MACROD2: variants seen among roughly 807,000 people sequenced by gnomAD.
MACROD2 encodes ADP-ribose glycohydrolase MACROD2.
Under a neutral mutation model 70.4 loss-of-function variants are expected in MACROD2, and 36 were observed. That is an observed-to-expected ratio of 0.51 (90% CI 0.39 to 0.68). The LOEUF is 0.68. Ranked by LOEUF, MACROD2 falls within the 30% of genes least tolerant of loss-of-function variation. The pLI, the probability that MACROD2 is intolerant of heterozygous loss-of-function variation, is 0.00. For missense variants in MACROD2, 496 were observed against 538.4 expected (o/e 0.92, Z 0.78); for synonymous variants, 172 against 178.8 (o/e 0.96, Z 0.30).
intron 12 of MACROD2, among the ~76,000 whole-genome samples, chr20:15,966,636 AGAGGCCAGAACAGGAGGATCGCTT>A (rs1243147305): frequency 6.6e-6 from 1 of 152,182 alleles, no homozygotes; most frequent in African/African-American, 2.4e-5. Context: ...TAGCTACTAC[AGAGGCCAGAACAGGAGGATCGCTT>A]GAGCCCAGGA....
At chr20:14,352,369 T>C in intron 3 of MACROD2, 1 of 152,116 alleles carries the variant, frequency 6.6e-6, no homozygotes, top group East Asian at 1.9e-4. Context: ...ATAGAGAAGA[T>C]TAGAATGGCC....
At chr20:15,065,987 TTAGGTTTGCTCCACA>T (rs1355571457) in intron 5 of MACROD2, among the ~76,000 whole-genome samples, 2 of 152,260 alleles carry the variant, frequency 1.3e-5, no homozygotes, top group East Asian at 3.9e-4. Flanking sequence ...GGGGTTGAGT[TTAGGTTTGCTCCACA>T]TTCTGGGGCC....
At chr20:14,184,244 A>G (rs879771426) in intron 3 of MACROD2, among the ~76,000 whole-genome samples, 6 of 152,176 alleles carry the variant, frequency 3.9e-5, no homozygotes, top group Non-Finnish European at 7.3e-5. Context: ...AATCTTCTGC[A>G]TATGGCTAGC....
intron 4 of MACROD2, among the ~76,000 whole-genome samples, chr20:14,643,671 T>C (rs1477400756): frequency 6.6e-6 from 1 of 152,176 alleles, no homozygotes. Context: ...AGTGTGTTAA[T>C]AGGTTATACC....
intron 8 of MACROD2, among the ~76,000 whole-genome samples, chr20:15,575,660 A>T (rs2048437479): frequency 6.6e-6 from 1 of 152,198 alleles, no homozygotes; most frequent in South Asian, 2.1e-4. Flanking sequence ...GATAGGGTAG[A>T]CTTTGAAATG....
At chr20:15,421,481 A>G (rs1043465924) in intron 6 of MACROD2, among the ~76,000 whole-genome samples, 3 of 152,212 alleles carry the variant, frequency 2.0e-5, no homozygotes, top group Non-Finnish European at 4.4e-5. Flanking sequence ...AGTTAAATAA[A>G]CATAGTATAA....
chr20:14,550,480 T>C (rs1196124268), intron 4 of MACROD2, among the ~76,000 whole-genome samples: 1 of 152,126 alleles, frequency 6.6e-6, no homozygotes, highest in East Asian at 1.9e-4. Flanking sequence ...TCTTCAGCCA[T>C]GCGAGGTCAC....
At chr20:15,322,241 T>TCAAA (rs2077881460) in intron 6 of MACROD2, among the ~76,000 whole-genome samples, 1 of 143,690 alleles carries the variant, frequency 7.0e-6, no homozygotes, top group African/African-American at 2.5e-5. Flanking sequence ...TTCAACTCAA[T>TCAAA]GAAAGATGGC....
intron 5 of MACROD2, among the ~76,000 whole-genome samples, chr20:14,953,492 G>C (rs951267032): frequency 1.3e-5 from 2 of 152,070 alleles, no homozygotes; most frequent in African/African-American, 4.8e-5. Context: ...ATTTTTGGTA[G>C]AGATGGGGTT....
At chr20:14,465,221 G>T (rs2123029246) in intron 3 of MACROD2, among the ~76,000 whole-genome samples, 1 of 152,198 alleles carries the variant, frequency 6.6e-6, no homozygotes, top group South Asian at 2.1e-4. Flanking sequence ...GGGTGCTCCT[G>T]TATTGGGTAC....
At chr20:14,664,551 G>A (rs982679177) in intron 4 of MACROD2, among the ~76,000 whole-genome samples, 2 of 152,014 alleles carry the variant, frequency 1.3e-5, no homozygotes, top group South Asian at 2.1e-4. Flanking sequence ...GACAAAATTT[G>A]CATTTACTAC....
chr20:14,810,758 A>G (rs1156699480), intron 5 of MACROD2, among the ~76,000 whole-genome samples: 1 of 152,136 alleles, frequency 6.6e-6, no homozygotes, highest in Non-Finnish European at 1.5e-5. Context: ...TACAAAATCA[A>G]CATGAAAAAA....
intron 8 of MACROD2, among the ~76,000 whole-genome samples, chr20:15,555,377 C>G (rs1395895178): frequency 1.3e-5 from 2 of 152,120 alleles, no homozygotes; most frequent in Admixed American, 6.6e-5. Flanking sequence ...GTGCCTTCTT[C>G]TTGCAACTAG....
At chr20:14,592,495 C>T (rs1354627169) in intron 4 of MACROD2, among the ~76,000 whole-genome samples, 1 of 152,156 alleles carries the variant, frequency 6.6e-6, no homozygotes, top group Non-Finnish European at 1.5e-5. Flanking sequence ...GTGATTACAG[C>T]TCACTGCAGC....
At chr20:15,699,865 A>G (rs758144236) in intron 8 of MACROD2, among the ~76,000 whole-genome samples, 4 of 151,938 alleles carry the variant, frequency 2.6e-5, no homozygotes, top group Non-Finnish European at 5.9e-5. Context: ...CATCCTTCCA[A>G]TGGATCCTTG....
At chr20:15,234,878 A>G (rs980173996) in intron 6 of MACROD2, among the ~76,000 whole-genome samples, 7 of 152,186 alleles carry the variant, frequency 4.6e-5, no homozygotes, top group African/African-American at 1.7e-4. Context: ...ATTTTCTTAT[A>G]TATCATGCTG....
intron 10 of MACROD2, among the ~76,000 whole-genome samples, chr20:15,895,940 G>C (rs538009972): frequency 6.6e-6 from 1 of 152,322 alleles, no homozygotes; most frequent in Admixed American, 6.5e-5. Flanking sequence ...TTACTTATCA[G>C]AGTTTCTATT....
intron 3 of MACROD2, among the ~76,000 whole-genome samples, chr20:14,408,400 C>T (rs1255490687): frequency 6.6e-6 from 1 of 152,166 alleles, no homozygotes; most frequent in East Asian, 1.9e-4. Flanking sequence ...GTAGACCACA[C>T]CAACTTTCCT....
intron 6 of MACROD2, among the ~76,000 whole-genome samples, chr20:15,353,899 G>C (rs1307582266): frequency 7.8e-6 from 1 of 127,592 alleles, no homozygotes; most frequent in South Asian, 2.8e-4. Context: ...TACACTGTTG[G>C]TGGGACTGTA....
Sources: allele counts gnomAD v4.1 joint callset (sites outside exome capture counted in the v4.1 genomes callset), GRCh38; gene constraint gnomAD v4.1.1; transcripts MANE v1.5; gene names NCBI Gene and HGNC (gene_info 2026-07-23, HGNC 2026-07-21).